GOLGA4: variants seen among roughly 807,000 people sequenced by gnomAD.
GOLGA4 encodes golgin A4.
In GOLGA4, 169 loss-of-function variants were observed where a neutral mutation model predicts 265.9. The observed-to-expected ratio is 0.64, with a 90% CI of 0.56 to 0.72. GOLGA4 has a LOEUF of 0.72. Ranked by LOEUF, GOLGA4 falls within the 30% of genes least tolerant of loss-of-function variation. The pLI is 0.00. For missense variants in GOLGA4, 2,482 were observed against 2,483.4 expected (o/e 1.00, Z 0.01); for synonymous variants, 923 against 855.8 (o/e 1.08, Z -1.37).
At chr3:37,279,923 T>G (rs1205724713) in intron 2 of GOLGA4, among the ~76,000 whole-genome samples, 2 of 148,422 alleles carry the variant, frequency 1.3e-5, no homozygotes, top group Non-Finnish European at 3.0e-5. Context: ...AAAAAAAAAA[T>G]TAAAAAGCCA....
intron 2 of GOLGA4, among the ~76,000 whole-genome samples, chr3:37,253,001 C>T (rs1037206514): frequency 2.6e-5 from 4 of 152,022 alleles, no homozygotes; most frequent in South Asian, 2.1e-4. Context: ...GTAATCCCAG[C>T]GCTTTGGAAG....
At chr3:37,363,979 CAGA>C (rs899668385) in intron 23 of GOLGA4, among the ~76,000 whole-genome samples, 9 of 152,154 alleles carry the variant, frequency 5.9e-5, no homozygotes, top group African/African-American at 2.2e-4. Flanking sequence ...TTACGTATAA[CAGA>C]AGATCTTGTT....
intron 2 of GOLGA4, among the ~76,000 whole-genome samples, chr3:37,252,257 G>A (rs186232600): frequency 6.6e-5 from 10 of 150,728 alleles, no homozygotes; most frequent in African/African-American, 9.7e-5. Flanking sequence ...TAGCACTGTC[G>A]TGCTCCCTTT....
At chr3:37,247,678 CAG>C (rs1457728751) in intron 1 of GOLGA4, among the ~76,000 whole-genome samples, 1 of 152,276 alleles carries the variant, frequency 6.6e-6, no homozygotes, top group African/African-American at 2.4e-5. Context: ...GTTCTCTGCT[CAG>C]GGTCTTGCAA....
At chr3:37,342,623 T>G (rs1230961903) in intron 20 of GOLGA4, among the ~76,000 whole-genome samples, 1 of 152,218 alleles carries the variant, frequency 6.6e-6, no homozygotes, top group East Asian at 1.9e-4. Context: ...TTCTTTTGCT[T>G]AATATAAGGT....
chr3:37,268,968 G>A (rs1309931929), intron 2 of GOLGA4, among the ~76,000 whole-genome samples: 1 of 152,198 alleles, frequency 6.6e-6, no homozygotes, highest in Non-Finnish European at 1.5e-5. Flanking sequence ...TACAAGTTCA[G>A]TAGGTACTGA....
In GOLGA4 at chr3:37,319,092, A is replaced by G. The variant is rs769759325; in HGVS notation, c.1443A>G (p.Leu481=). 1.2e-6 allele frequency: 2 copies of G among 1,608,600 alleles called. No individual in the cohort carries two copies. The highest frequency in any genetic ancestry group is 8.5e-7 in the Non-Finnish European group (1 of 1,177,314). The change falls in exon 12 of 24, where the codon CTA becomes CTG. Residue 481 remains leucine (L), a synonymous_variant. Coordinates refer to ENST00000361924, the MANE Select transcript of GOLGA4 (RefSeq NM_002078.5). ...KKSSEEQIAK[L]QKLHEKELAR... is the part of the protein sequence containing the mutation. ...CCTCAGAAGAACAAATTGCTAAGCT[A>G]CAGAAGCTTCATGAAAAGGAGCTGG... is the stretch of plus-strand genomic sequence containing the variant.
At chr3:37,297,084 A>G (rs2096880474) in intron 7 of GOLGA4, among the ~76,000 whole-genome samples, 1 of 152,230 alleles carries the variant, frequency 6.6e-6, no homozygotes, top group African/African-American at 2.4e-5. Context: ...TTCTATATTC[A>G]TAGATATTTG....
intron 11 of GOLGA4, among the ~76,000 whole-genome samples, chr3:37,317,772 T>C (rs2096942054): frequency 6.6e-6 from 1 of 152,204 alleles, no homozygotes; most frequent in Non-Finnish European, 1.5e-5. Flanking sequence ...GACTCACTTT[T>C]CTATTGGGCT....
chr3:37,364,520 G>A (rs1014498829), intron 23 of GOLGA4, among the ~76,000 whole-genome samples: 2 of 151,890 alleles, frequency 1.3e-5, no homozygotes, highest in Non-Finnish European at 2.9e-5. Flanking sequence ...GGGATTACAG[G>A]CGTGAGCCAC....
At chr3:37,281,309 C>T (rs1251086434) in intron 2 of GOLGA4, among the ~76,000 whole-genome samples, 1 of 152,144 alleles carries the variant, frequency 6.6e-6, no homozygotes, top group Non-Finnish European at 1.5e-5. Flanking sequence ...TTTGTTAATG[C>T]TTATTTTTAT....
intron 10 of GOLGA4, among the ~76,000 whole-genome samples, chr3:37,308,628 T>A (rs141430886): frequency 0.092 from 13,785 of 150,190 alleles, 1,178 homozygotes; most frequent in African/African-American, 0.22. Flanking sequence ...ATATATATAT[T>A]TTTTTGAGAC....
intron 2 of GOLGA4, among the ~76,000 whole-genome samples, chr3:37,263,093 T>C (rs374047911): frequency 3.3e-5 from 5 of 152,334 alleles, no homozygotes; most frequent in African/African-American, 1.2e-4. Flanking sequence ...AGTTGTGTCA[T>C]TTTTTCTTTT....
intron 8 of GOLGA4, 43 bp from the exon 9 acceptor site, chr3:37,299,245 A>C: frequency 8.0e-7 from 1 of 1,244,818 alleles, no homozygotes; most frequent in Non-Finnish European, 1.2e-6. Flanking sequence ...AAATGAGAAG[A>C]AGCTTTATTA....
At chr3:37,353,120 A>C (rs78727720) in intron 21 of GOLGA4, among the ~76,000 whole-genome samples, 1 of 152,182 alleles carries the variant, frequency 6.6e-6, no homozygotes, top group Non-Finnish European at 1.5e-5. Context: ...TAAGTCCACT[A>C]TCTTATATGG....
intron 10 of GOLGA4, among the ~76,000 whole-genome samples, chr3:37,304,907 T>C (rs75143122): frequency 0.038 from 5,859 of 152,236 alleles, 144 homozygotes; most frequent in African/African-American, 0.056. Context: ...AAATTTTTTC[T>C]ATTAATACTG....
rs1338642408 is a variant in GOLGA4 at position 37,257,953 on chromosome 3, G to GTATA, written c.162+6473_162+6476dup. Among the ~76,000 whole-genome samples, 9 of 93,156 alleles carry GTATA rather than the reference G, an allele frequency of 9.7e-5. 1 individual carries two copies. The highest frequency in any genetic ancestry group is 1.6e-4 in the African/African-American group (3 of 18,608). 61.1% of individuals were successfully genotyped at this position (93,156 alleles called of 152,430 possible). ...TATATATACATACATATATATGTAT[G>GTATA]TATATATGTATATATACATACATAT... is the stretch of plus-strand genomic sequence containing the variant. On this transcript the variant is annotated intron_variant, in intron 2 of 23. Transcript: ENST00000361924.
rs776895331 is a variant in GOLGA4, at chr3:37,282,108, C to G, written c.313C>G (p.Leu105Val). 6.2e-7 allele frequency: 1 copy of G among 1,614,194 alleles called. No individual in the cohort carries two copies. The highest frequency in any genetic ancestry group is 2.2e-5 in the East Asian group (1 of 44,886). The stretch of plus-strand genomic sequence containing the variant: ...ATCTTCCAGAGAATCCCTGAATCGA[C>G]TTGACCTGGACAGTTCTACTGCCAG... ...RTSSRESLNR[L>V]DLDSSTASFD... The change falls in exon 3 of 24, where the codon CTT becomes GTT. Residue 105 changes from leucine (L) to valine (V), a missense_variant. Transcript: ENST00000361924.
chr3:37,274,883 T>C (rs2096809955), intron 2 of GOLGA4, among the ~76,000 whole-genome samples: 1 of 151,994 alleles, frequency 6.6e-6, no homozygotes, highest in Non-Finnish European at 1.5e-5. Context: ...ATTTGTGAAC[T>C]AAATTACATA....
Sources: gnomAD v4.1 joint callset for allele counts (sites outside exome capture counted in the v4.1 genomes callset) on GRCh38, gnomAD v4.1.1 for gene constraint, MANE v1.5 for transcripts, NCBI Gene and HGNC (gene_info 2026-07-23, HGNC 2026-07-21) for gene names.